The following PDE4D variants were observed in gnomAD, a reference collection of about 807,000 sequenced individuals.
The protein encoded by PDE4D is 3',5'-cyclic-AMP phosphodiesterase 4D.
A neutral mutation model predicts 87.4 loss-of-function variants in PDE4D; 24 were observed. That is an observed-to-expected ratio of 0.27 (90% CI 0.20 to 0.39). The LOEUF (loss-of-function observed/expected upper bound fraction) is 0.39, where lower values mean the gene tolerates loss of function less well. PDE4D is among the 10% of genes least tolerant of loss of function. The probability of loss-of-function intolerance (pLI) is 1.00; values close to 1 mark genes in which losing one functional copy is unlikely to be tolerated. For synonymous variants in PDE4D, 384 were observed against 383.2 expected, an observed-to-expected ratio of 1.00 and a Z score of -0.02; for missense variants, 714 against 1,041.0, an observed-to-expected ratio of 0.69 and a Z score of 4.32.
In PDE4D at chr5:59,754,810, T is replaced by TTTG. The variant is rs1468882868; in HGVS notation, c.455+138357_455+138358insCAA. Among the ~76,000 whole-genome samples, 17 of 115,970 alleles carry TTTG rather than the reference T, an allele frequency of 1.5e-4. No individual in the cohort carries two copies. The South Asian group carries it at 2.4e-3, about 17-fold the overall frequency. The allele number at this position is 115,970 out of a possible 152,430, so 76.1% of individuals were successfully genotyped here. A position where few individuals can be genotyped will look rare whatever the true frequency, so the allele number is the denominator to read the frequency against. On this transcript the variant is annotated intron_variant, in intron 1 of 14. Transcript: ENST00000340635. The stretch of plus-strand genomic sequence containing the variant: ...TTTCCACAGAACATTTTTTTTTTTT[T>TTTG]TTTTTTTTTTTTTTTGCATCTGTGC...
chr5:59,465,938 G>A (rs1328637628), intron 1 of PDE4D, among the ~76,000 whole-genome samples: 3 of 152,158 alleles, frequency 2.0e-5, no homozygotes, highest in East Asian at 1.9e-4. Flanking sequence ...CGTTTGGTAC[G>A]AGAGCAACAT....
intron 1 of PDE4D, among the ~76,000 whole-genome samples, chr5:59,816,228 C>T (rs1360063796): frequency 6.6e-6 from 1 of 152,234 alleles, no homozygotes; most frequent in African/African-American, 2.4e-5. Context: ...GTTGGACTTA[C>T]ATTCAGGTGG....
chr5:59,906,093 C>T (rs1422221839), intron 3 of PDE4D, among the ~76,000 whole-genome samples: 1 of 152,230 alleles, frequency 6.6e-6, no homozygotes, highest in East Asian at 1.9e-4. Flanking sequence ...TATGCGATGG[C>T]ATTTGATAGC....
intron 1 of PDE4D, among the ~76,000 whole-genome samples, chr5:59,674,346 C>T (rs182736701): frequency 6.6e-6 from 1 of 152,294 alleles, no homozygotes; most frequent in Middle Eastern, 3.4e-3. Flanking sequence ...TCTGATGCAT[C>T]TTTTCATCTC....
intron 1 of PDE4D, among the ~76,000 whole-genome samples, chr5:59,713,288 G>C (rs967207970): frequency 2.6e-5 from 4 of 152,212 alleles, no homozygotes; most frequent in African/African-American, 9.7e-5. Context: ...GCAGACATCA[G>C]GTCCAGCATG....
intron 1 of PDE4D, among the ~76,000 whole-genome samples, chr5:60,245,676 A>T (rs1328860668): frequency 6.6e-6 from 1 of 152,058 alleles, no homozygotes; most frequent in African/African-American, 2.4e-5. Flanking sequence ...AGCCAGACAC[A>T]GAAAGACAAA....
intron 3 of PDE4D, among the ~76,000 whole-genome samples, chr5:59,964,272 AT>A (rs1462781616): frequency 6.6e-6 from 1 of 152,182 alleles, no homozygotes; most frequent in South Asian, 2.1e-4. Context: ...GAAAAGTTCA[AT>A]TTTTTTAAAT....
intron 1 of PDE4D, among the ~76,000 whole-genome samples, chr5:60,503,614 G>A (rs1479795668): frequency 2.0e-5 from 3 of 152,002 alleles, no homozygotes; most frequent in African/African-American, 7.2e-5. Context: ...TTTATTACTG[G>A]TATGTTTATT....
chr5:58,988,221 C>T (rs1488163020), intron 11 of PDE4D, among the ~76,000 whole-genome samples: 1 of 151,990 alleles, frequency 6.6e-6, no homozygotes, highest in Non-Finnish European at 1.5e-5. Flanking sequence ...AATCTTTCTG[C>T]ACACTTTCAT....
chr5:60,032,543 C>T (rs945169572), intron 2 of PDE4D, among the ~76,000 whole-genome samples: 3 of 152,110 alleles, frequency 2.0e-5, no homozygotes, highest in Admixed American at 6.6e-5. Flanking sequence ...TTTGATGTTG[C>T]GTAAAGCACA....
chr5:59,684,903 CTCAGAG>C (rs1406030927), intron 1 of PDE4D, among the ~76,000 whole-genome samples: 3 of 152,216 alleles, frequency 2.0e-5, no homozygotes, highest in African/African-American at 7.2e-5. Flanking sequence ...CCCTTCTTTA[CTCAGAG>C]TCAAACTTGG....
chr5:60,476,099 T>C (rs1561297792), intron 1 of PDE4D, among the ~76,000 whole-genome samples: 1 of 152,212 alleles, frequency 6.6e-6, no homozygotes. Context: ...AAGTCTGCAC[T>C]ACACTCAATA....
At position 59,837,474 on chromosome 5, in the gene PDE4D, AG is replaced by A. The variant is rs1742308213; in HGVS notation, c.455+55693del. 2.0e-5 allele frequency among the ~76,000 whole-genome samples: 3 copies of A among 152,152 alleles called. No individual in the cohort carries two copies. The South Asian group carries it at 6.2e-4, about 32-fold the overall frequency. On this transcript the variant is annotated intron_variant, in intron 1 of 14. Coordinates refer to ENST00000340635, the MANE Select transcript of PDE4D (RefSeq NM_001104631.2). ...TGTCATCTAGAATATATGCTCCACT[AG>A]GGCAGGAATGTGCATTGTCTGTTTT...
At chr5:59,443,146 A>C (rs1399814069) in intron 1 of PDE4D, among the ~76,000 whole-genome samples, 1 of 152,228 alleles carries the variant, frequency 6.6e-6, no homozygotes, top group African/African-American at 2.4e-5. Flanking sequence ...GTGTGGCTCA[A>C]ACATAAAATG....
intron 1 of PDE4D, among the ~76,000 whole-genome samples, chr5:59,451,302 G>A (rs1799118232): frequency 6.6e-6 from 1 of 152,136 alleles, no homozygotes; most frequent in Admixed American, 6.5e-5. Context: ...TCTTAGGCTT[G>A]AGACAGGACT....
intron 1 of PDE4D, among the ~76,000 whole-genome samples, chr5:59,791,713 A>T (rs1254095069): frequency 2.0e-5 from 3 of 152,234 alleles, no homozygotes; most frequent in Non-Finnish European, 4.4e-5. Flanking sequence ...AATATGAAAT[A>T]AATTCCTGCT....
chr5:59,067,492 C>T (rs553973398), intron 5 of PDE4D, among the ~76,000 whole-genome samples: 39 of 152,196 alleles, frequency 2.6e-4, no homozygotes, highest in African/African-American at 7.0e-4. Context: ...TTACCTATAC[C>T]TTATTCCATT....
Position 60,038,365 on chromosome 5 carries a change from CATTT to C in PDE4D, c.43-49652_43-49649del, listed in dbSNP as rs533791606. Among the ~76,000 whole-genome samples, 18 of 152,212 alleles carry C rather than the reference CATTT, an allele frequency of 1.2e-4. No individual in the cohort carries two copies. In the South Asian group the frequency reaches 3.5e-3, roughly 30 times the overall value. On this transcript the variant is annotated intron_variant, in intron 2 of 16. Transcript: ENST00000502484. ...TATGGCTAGCCAGTTTTCCCAGCAC[CATTT>C]ATTAAATAGGGAATCCTTTCCCCAT...
chr5:59,388,626 T>TACGTACACACACACACAC (rs1787581785), intron 1 of PDE4D, among the ~76,000 whole-genome samples: 2 of 148,312 alleles, frequency 1.3e-5, no homozygotes, highest in African/African-American at 2.5e-5. Context: ...GAAAATGTGG[T>TACGTACACACACACACAC]ACACACACAC....
Sources: allele counts gnomAD v4.1 joint callset (sites outside exome capture counted in the v4.1 genomes callset), GRCh38; gene constraint gnomAD v4.1.1; transcripts MANE v1.5; gene names NCBI Gene and HGNC (gene_info 2026-07-23, HGNC 2026-07-21).